Variants in TENM1 observed in about 807,000 individuals in gnomAD.
TENM1 encodes the protein teneurin-1.
Under a neutral mutation model 174.8 loss-of-function variants are expected in TENM1, and 35 were observed. That is an observed-to-expected ratio of 0.20 (90% CI 0.15 to 0.27). TENM1 has a LOEUF of 0.27. Ranked by LOEUF, TENM1 falls within the 10% of genes least tolerant of loss-of-function variation. The pLI is 1.00. For synonymous variants in TENM1, 781 were observed against 798.7 expected, an observed-to-expected ratio of 0.98 and a Z score of 0.37; for missense variants, 1,633 against 2,130.1, an observed-to-expected ratio of 0.77 and a Z score of 4.59.
At chrX:124,621,063 G>A (rs142952489) in intron 11 of TENM1, among the ~76,000 whole-genome samples, 223 of 112,227 alleles carry the variant, frequency 2.0e-3, no homozygotes, top group African/African-American at 6.4e-3. Flanking sequence ...ATGTAATAGA[G>A]AAATCTAGAC....
the TENM1 span, among the ~76,000 whole-genome samples, chrX:125,166,749 A>G: frequency 9.0e-6 from 1 of 111,719 alleles, no homozygotes; most frequent in African/African-American, 3.2e-5. Context: ...TCAAATCCTT[A>G]TAAGGAGTTT....
intron 10 of TENM1, among the ~76,000 whole-genome samples, chrX:124,644,473 G>C: frequency 9.1e-6 from 1 of 109,981 alleles, no homozygotes; most frequent in Middle Eastern, 4.7e-3. Context: ...CTTGTTTGAG[G>C]AATGTAGCAT....
At chrX:125,004,563 T>C in the TENM1 span, among the ~76,000 whole-genome samples, 1 of 112,265 alleles carries the variant, frequency 8.9e-6, no homozygotes, top group African/African-American at 3.2e-5. Context: ...CAACTTTACA[T>C]ACAAACAGCA....
intron 22 of TENM1, among the ~76,000 whole-genome samples, chrX:124,461,341 T>C (rs780069954): frequency 8.9e-6 from 1 of 111,806 alleles, no homozygotes; most frequent in East Asian, 2.8e-4. Flanking sequence ...TGAAGGTCCC[T>C]CAAAAAACTA....
chrX:124,745,582 T>G (rs942392598), intron 3 of TENM1, among the ~76,000 whole-genome samples: 2 of 111,199 alleles, frequency 1.8e-5, no homozygotes, highest in Non-Finnish European at 3.8e-5. Context: ...TGGATGTGCT[T>G]TCTTGGATGG....
At chrX:124,649,091 GA>G (rs200075952) in intron 8 of TENM1, among the ~76,000 whole-genome samples, 5 of 109,667 alleles carry the variant, frequency 4.6e-5, no homozygotes, top group South Asian at 3.8e-4. Flanking sequence ...AACTAGCCAT[GA>G]AAAAAAAATG....
At chrX:125,173,620 A>G in the TENM1 span, among the ~76,000 whole-genome samples, 5 of 111,278 alleles carry the variant, frequency 4.5e-5, no homozygotes, top group African/African-American at 1.6e-4. Context: ...ATTCTGGATC[A>G]ATTTCAGTCC....
chrX:125,152,630 G>C, the TENM1 span, among the ~76,000 whole-genome samples: 23 of 112,269 alleles, frequency 2.0e-4, no homozygotes, highest in Non-Finnish European at 3.9e-4. Flanking sequence ...ACACTGGGAA[G>C]AAGGAAGCTT....
At chrX:125,063,173 G>T in the TENM1 span, among the ~76,000 whole-genome samples, 1 of 112,048 alleles carries the variant, frequency 8.9e-6, no homozygotes, top group Admixed American at 9.5e-5. Flanking sequence ...TGCCAGGATA[G>T]AACTATGAGC....
chrX:124,640,961 C>CAA (rs59598996), intron 11 of TENM1, among the ~76,000 whole-genome samples: 1 of 57,778 alleles, frequency 1.7e-5, no homozygotes, highest in Non-Finnish European at 2.9e-5. Context: ...AATCCATCTC[C>CAA]AAAAAAAAAA....
At chrX:124,828,672 G>A (rs771609688) in intron 3 of TENM1, among the ~76,000 whole-genome samples, 332 of 111,863 alleles carry the variant, frequency 3.0e-3, no homozygotes, top group Non-Finnish European at 5.2e-3. Flanking sequence ...TTTCTTTTTA[G>A]CACTGTACAC....
chrX:124,718,913 AT>A (rs1180360525), intron 4 of TENM1, among the ~76,000 whole-genome samples: 2 of 111,849 alleles, frequency 1.8e-5, no homozygotes, highest in African/African-American at 6.5e-5. Context: ...GTCAGTAGAC[AT>A]TTTTGGTTAT....
intron 20 of TENM1, among the ~76,000 whole-genome samples, chrX:124,489,013 C>T (rs954184449): frequency 6.2e-5 from 7 of 112,576 alleles, no homozygotes; most frequent in East Asian, 5.6e-4. Flanking sequence ...GTGAAAATGA[C>T]GGAATTTATT....
intron 20 of TENM1, among the ~76,000 whole-genome samples, chrX:124,490,646 A>C (rs188003145): frequency 8.9e-6 from 1 of 112,551 alleles, no homozygotes; most frequent in African/African-American, 3.2e-5. Flanking sequence ...GATACCAAGA[A>C]GCATTTGCCA....
chrX:125,032,752 C>T, the TENM1 span, among the ~76,000 whole-genome samples: 21 of 111,604 alleles, frequency 1.9e-4, no homozygotes, highest in Admixed American at 5.7e-4. Flanking sequence ...CCTATTTATC[C>T]TTTAAGCACA....
At chrX:124,717,724 C>T (rs2053219238) in intron 4 of TENM1, among the ~76,000 whole-genome samples, 1 of 111,798 alleles carries the variant, frequency 8.9e-6, no homozygotes, top group Admixed American at 9.5e-5. Flanking sequence ...CTCCCAGTAA[C>T]TAGATAATTT....
the TENM1 span, among the ~76,000 whole-genome samples, chrX:125,041,210 G>T: frequency 9.0e-6 from 1 of 111,295 alleles, no homozygotes; most frequent in African/African-American, 3.3e-5. Context: ...TGTTGTGTAG[G>T]CATGTTAACA....
intron 6 of TENM1, among the ~76,000 whole-genome samples, chrX:124,660,146 G>A (rs971175259): frequency 3.6e-5 from 4 of 110,782 alleles, no homozygotes; most frequent in African/African-American, 9.9e-5. Context: ...AGGCCGAGAC[G>A]GGTGGATCAC....
intron 27 of TENM1, among the ~76,000 whole-genome samples, chrX:124,402,532 T>G (rs2060411562): frequency 8.9e-6 from 1 of 112,420 alleles, no homozygotes; most frequent in Non-Finnish European, 1.9e-5. Flanking sequence ...TTCTCAGCAC[T>G]AAGAACAATT....
Sources: gnomAD v4.1 joint callset for allele counts (sites outside exome capture counted in the v4.1 genomes callset) on GRCh38, gnomAD v4.1.1 for gene constraint, MANE v1.5 for transcripts, NCBI Gene and HGNC (gene_info 2026-07-23, HGNC 2026-07-21) for gene names.